The following PTPRK variants were observed in gnomAD, a reference collection of about 807,000 sequenced individuals.
PTPRK encodes the protein protein tyrosine phosphatase receptor type K, also known as receptor-type tyrosine-protein phosphatase kappa.
In PTPRK, 75 loss-of-function variants were observed where a neutral mutation model predicts 178.0. The ratio of observed to expected loss-of-function variants is 0.42; its 90% CI spans 0.35 to 0.51. The LOEUF is 0.51. Among genes scored for constraint, PTPRK ranks in the 20% least tolerant of loss-of-function variants. PTPRK has a pLI of 0.02. For missense variants in PTPRK, 1,441 were observed against 1,797.8 expected (o/e 0.80, Z 3.59); for synonymous variants, 637 against 620.6 (o/e 1.03, Z -0.39).
intron 18 of PTPRK, among the ~76,000 whole-genome samples, chr6:127,992,926 T>C (rs1355048915): frequency 4.6e-5 from 7 of 151,730 alleles, no homozygotes; most frequent in African/African-American, 1.4e-4. Context: ...GATTAGAATA[T>C]ATATTGTATA....
chr6:128,011,583 G>A (rs990769979), intron 13 of PTPRK, among the ~76,000 whole-genome samples: 1 of 150,966 alleles, frequency 6.6e-6, no homozygotes, highest in African/African-American at 2.4e-5. Context: ...AATGTATGTA[G>A]GTGCAAATAT....
intron 6 of PTPRK, among the ~76,000 whole-genome samples, chr6:128,201,142 A>G (rs1190924763): frequency 6.6e-6 from 1 of 152,180 alleles, no homozygotes; most frequent in Non-Finnish European, 1.5e-5. Context: ...TATTTTTTCT[A>G]CAAACAGGAA....
chr6:128,364,903 C>A (rs559736568), intron 2 of PTPRK, among the ~76,000 whole-genome samples: 163 of 152,108 alleles, frequency 1.1e-3, no homozygotes, highest in African/African-American at 3.8e-3. Flanking sequence ...CTATCTAAAT[C>A]TGAGCTTATT....
chr6:128,456,666 T>A (rs1848433650), intron 1 of PTPRK, among the ~76,000 whole-genome samples: 1 of 152,146 alleles, frequency 6.6e-6, no homozygotes, highest in Non-Finnish European at 1.5e-5. Context: ...TTTATTTATA[T>A]ACATTACTAA....
intron 2 of PTPRK, among the ~76,000 whole-genome samples, chr6:128,363,444 A>G (rs1448964995): frequency 6.6e-6 from 1 of 152,204 alleles, no homozygotes; most frequent in Non-Finnish European, 1.5e-5. Flanking sequence ...TTGTCCCTGA[A>G]TGCCATGGCT....
intron 1 of PTPRK, among the ~76,000 whole-genome samples, chr6:128,507,265 C>T (rs78918817): frequency 0.014 from 2,157 of 152,150 alleles, 51 homozygotes; most frequent in African/African-American, 0.05. Flanking sequence ...TTTTAAATTT[C>T]TATTTTTGAA....
At chr6:128,470,259 CAT>C (rs34303350) in intron 1 of PTPRK, among the ~76,000 whole-genome samples, 2,519 of 147,730 alleles carry the variant, frequency 0.017, 30 homozygotes, top group Non-Finnish European at 0.027. Context: ...TCTCAGTTTT[CAT>C]ATATATATAT....
At chr6:127,995,151 C>G in intron 18 of PTPRK, 1 of 1,221,556 alleles carries the variant, frequency 8.2e-7, no homozygotes. Context: ...GTGAAGCATG[C>G]AGAAATAACT....
At chr6:128,380,234 T>C (rs970107316) in intron 2 of PTPRK, among the ~76,000 whole-genome samples, 1 of 152,084 alleles carries the variant, frequency 6.6e-6, no homozygotes, top group African/African-American at 2.4e-5. Flanking sequence ...GAATTTTACA[T>C]CCTTTAAATT....
chr6:128,386,161 A>AT (rs1000505731), intron 2 of PTPRK, among the ~76,000 whole-genome samples: 10 of 152,114 alleles, frequency 6.6e-5, no homozygotes, highest in African/African-American at 2.2e-4. Flanking sequence ...TCAGTAATAG[A>AT]TTTTTTTTCT....
intron 13 of PTPRK, among the ~76,000 whole-genome samples, chr6:128,033,208 T>C (rs757000468): frequency 7.9e-5 from 12 of 152,192 alleles, no homozygotes; most frequent in Non-Finnish European, 1.0e-4. Context: ...AGGGTAGCAC[T>C]TGGGGCCTGG....
At chr6:128,067,844 G>A (rs544096721) in intron 11 of PTPRK, 52 bp from the exon 12 acceptor site, 3 of 1,451,550 alleles carry the variant, frequency 2.1e-6, no homozygotes, top group South Asian at 1.6e-5. Context: ...CATATTTAGA[G>A]ATTTAAGATA....
intron 1 of PTPRK, among the ~76,000 whole-genome samples, chr6:128,408,706 G>C (rs967154670): frequency 6.6e-6 from 1 of 152,074 alleles, no homozygotes; most frequent in African/African-American, 2.4e-5. Flanking sequence ...TACAAGCTAA[G>C]GCTACCAATA....
At chr6:128,518,542 C>A (rs2128447278) in intron 1 of PTPRK, among the ~76,000 whole-genome samples, 1 of 152,306 alleles carries the variant, frequency 6.6e-6, no homozygotes, top group African/African-American at 2.4e-5. Flanking sequence ...TTTCAATTAA[C>A]AAACTACAAG....
At chr6:128,021,177 G>C (rs1001370931) in intron 13 of PTPRK, among the ~76,000 whole-genome samples, 2 of 152,146 alleles carry the variant, frequency 1.3e-5, no homozygotes, top group African/African-American at 4.8e-5. Flanking sequence ...GTTCTTGGCT[G>C]TCTAAAATTT....
intron 6 of PTPRK, among the ~76,000 whole-genome samples, chr6:128,189,914 C>T (rs1803468264): frequency 1.3e-5 from 2 of 152,148 alleles, no homozygotes; most frequent in African/African-American, 2.4e-5. Context: ...AGGCATTTAT[C>T]AGCTACCCCT....
intron 1 of PTPRK, among the ~76,000 whole-genome samples, chr6:128,474,814 C>A (rs1851171655): frequency 6.6e-6 from 1 of 152,110 alleles, no homozygotes; most frequent in African/African-American, 2.4e-5. Context: ...TTTACAAACA[C>A]CCAATGTCTC....
At chr6:128,313,174 T>C (rs1325740812) in intron 3 of PTPRK, among the ~76,000 whole-genome samples, 1 of 152,050 alleles carries the variant, frequency 6.6e-6, no homozygotes, top group Non-Finnish European at 1.5e-5. Flanking sequence ...AAACAAGACC[T>C]AAAGCAAGTC....
intron 7 of PTPRK, among the ~76,000 whole-genome samples, chr6:128,097,869 C>T (rs1025357289): frequency 2.0e-5 from 3 of 151,888 alleles, no homozygotes. Flanking sequence ...ATCATAGACA[C>T]AAAAAGGTAG....
Sources: allele counts gnomAD v4.1 joint callset (sites outside exome capture counted in the v4.1 genomes callset), GRCh38; gene constraint gnomAD v4.1.1; transcripts MANE v1.5; gene names NCBI Gene and HGNC (gene_info 2026-07-23, HGNC 2026-07-21).